The following ZDHHC20 variants were observed in gnomAD, a reference collection of about 807,000 sequenced individuals.
The protein encoded by ZDHHC20 is zDHHC palmitoyltransferase 20.
A neutral mutation model predicts 57.8 loss-of-function variants in ZDHHC20; 43 were observed. That is an observed-to-expected ratio of 0.74 (90% CI 0.58 to 0.96). The LOEUF (loss-of-function observed/expected upper bound fraction) is 0.96, where lower values mean the gene tolerates loss of function less well. Among genes scored for constraint, ZDHHC20 ranks in the 40% least tolerant of loss-of-function variants. ZDHHC20 has a pLI of 0.00. For missense variants in ZDHHC20, 391 were observed against 441.1 expected (o/e 0.89, Z 1.02); for synonymous variants, 157 against 153.0 (o/e 1.03, Z -0.19).
chr13:21,455,636 GTGTGTGTGT>G (rs1354810310), intron 1 of ZDHHC20, among the ~76,000 whole-genome samples: 1 of 11,954 alleles, frequency 8.4e-5, no homozygotes, highest in Non-Finnish European at 3.1e-4. Flanking sequence ...GTGAAGTGGT[GTGTGTGTGT>G]GTGTGTGTGT....
rs1872023981 is a variant in ZDHHC20, at chr13:21,376,070, G to A, written c.*626C>T. ...AGCTTTCGATGAATTAGACCAATGT[G>A]TTCTATGTTCTAAATGATATTTAGA... is the stretch of plus-strand genomic sequence containing the variant. On this transcript the variant is annotated 3_prime_UTR_variant, in exon 13 of 13. Transcript: ENST00000400590. The A allele has an allele frequency of 6.6e-6, 1 of 152,118 alleles. No homozygotes were observed. The highest frequency in any genetic ancestry group is 6.6e-5 in the Admixed American group (1 of 15,254). The allele number at this position is 152,118 out of a possible 1,614,324, so 9.4% of individuals were successfully genotyped here.
At chr13:21,448,179 C>T (rs1267857239) in intron 1 of ZDHHC20, among the ~76,000 whole-genome samples, 4 of 110,916 alleles carry the variant, frequency 3.6e-5, no homozygotes, top group Non-Finnish European at 6.3e-5. Flanking sequence ...CCACCCCGTC[C>T]GGGAGGGAGG....
chr13:21,447,675 C>G (rs28566072), intron 1 of ZDHHC20, among the ~76,000 whole-genome samples: 3 of 123,428 alleles, frequency 2.4e-5, no homozygotes, highest in South Asian at 2.7e-4. Flanking sequence ...CCCAGAGTGC[C>G]GAGATTGCAG....
intron 1 of ZDHHC20, among the ~76,000 whole-genome samples, chr13:21,447,698 C>T (rs1436045465): frequency 1.6e-4 from 19 of 115,270 alleles, no homozygotes; most frequent in South Asian, 2.7e-4. Context: ...TCTGCCCGGC[C>T]GCCACCCCGT....
At chr13:21,435,195 AT>A (rs973130114) in intron 1 of ZDHHC20, among the ~76,000 whole-genome samples, 103 of 144,850 alleles carry the variant, frequency 7.1e-4, no homozygotes, top group African/African-American at 1.9e-3. Flanking sequence ...TGTCATTTTC[AT>A]TTTTTTTTTC....
chr13:21,395,493 T>C (rs1373200124), intron 7 of ZDHHC20, among the ~76,000 whole-genome samples: 1 of 136,584 alleles, frequency 7.3e-6, no homozygotes, highest in Non-Finnish European at 1.6e-5. Context: ...CTTCTTTTCT[T>C]TTCTTTTTTT....
At chr13:21,412,353 A>G (rs1879329474) in intron 4 of ZDHHC20, among the ~76,000 whole-genome samples, 1 of 152,236 alleles carries the variant, frequency 6.6e-6, no homozygotes. Context: ...AATGATCACA[A>G]TATTGTGGTA....
At chr13:21,406,735 T>C (rs1448359810) in intron 4 of ZDHHC20, among the ~76,000 whole-genome samples, 1 of 152,206 alleles carries the variant, frequency 6.6e-6, no homozygotes, top group African/African-American at 2.4e-5. Context: ...TATGGCTGCA[T>C]AGTATTCCAT....
intron 8 of ZDHHC20, among the ~76,000 whole-genome samples, chr13:21,389,644 C>CG (rs1875283308): frequency 6.6e-6 from 1 of 152,104 alleles, no homozygotes; most frequent in Non-Finnish European, 1.5e-5. Flanking sequence ...CACATACCTA[C>CG]GGGGGCTGGG....
intron 7 of ZDHHC20, among the ~76,000 whole-genome samples, chr13:21,399,827 T>C (rs1877361182): frequency 6.6e-6 from 1 of 152,174 alleles, no homozygotes; most frequent in African/African-American, 2.4e-5. Context: ...CTTCACATCA[T>C]TTGTTATAAA....
chr13:21,390,608 AAT>A (rs1285642106), intron 8 of ZDHHC20, among the ~76,000 whole-genome samples: 2 of 152,168 alleles, frequency 1.3e-5, no homozygotes, highest in Admixed American at 6.5e-5. Context: ...AAAAGTAAAG[AAT>A]ATATATGGGC....
chr13:21,416,039 T>TA (rs1310335610), intron 3 of ZDHHC20, among the ~76,000 whole-genome samples: 8 of 150,756 alleles, frequency 5.3e-5, no homozygotes, highest in Non-Finnish European at 8.9e-5. Context: ...CCGCCTCTAC[T>TA]AAAAAAAATA....
chr13:21,376,787 CTAA>C lies in ZDHHC20; in HGVS notation c.*41-135_*41-133del, dbSNP rs570279149. 8.1e-3 allele frequency: 3,889 copies of C among 482,998 alleles called. 28 individuals are homozygous for C. The highest frequency in any genetic ancestry group is 0.011 in the South Asian group (280 of 26,666). The allele number at this position is 482,998 out of a possible 1,614,324, so 29.9% of individuals were successfully genotyped here. A position where few individuals can be genotyped will look rare whatever the true frequency, so the allele number is the denominator to read the frequency against. ...ATGGAAAATGAATTCCTTAACACTA[CTAA>C]TATTATAACAATAAAGATTTTTGTA... On this transcript the variant is annotated intron_variant, in intron 12 of 12. Transcript: ENST00000400590.
At chr13:21,413,493 T>G (rs1439581237) in intron 4 of ZDHHC20, among the ~76,000 whole-genome samples, 159 bp downstream of exon 4, 3 of 59,812 alleles carry the variant, frequency 5.0e-5, no homozygotes, top group Non-Finnish European at 1.2e-4. Context: ...TATTTCTGCA[T>G]CTGAAATACA....
At chr13:21,438,233 G>A (rs1038414863) in intron 1 of ZDHHC20, among the ~76,000 whole-genome samples, 11 of 152,238 alleles carry the variant, frequency 7.2e-5, no homozygotes, top group Non-Finnish European at 1.2e-4. Flanking sequence ...TAAGGCTATC[G>A]ATGCCACAGT....
At chr13:21,453,959 G>A (rs534570958) in intron 1 of ZDHHC20, among the ~76,000 whole-genome samples, 22 of 152,222 alleles carry the variant, frequency 1.4e-4, no homozygotes, top group South Asian at 1.2e-3. Context: ...GTATTCTCCC[G>A]TCTCAGCCTC....
intron 1 of ZDHHC20, among the ~76,000 whole-genome samples, chr13:21,442,975 C>T (rs1883332650): frequency 6.6e-6 from 1 of 152,124 alleles, no homozygotes. Context: ...ATGGACCATC[C>T]ACAGCAAGAA....
At chr13:21,414,660 C>T (rs987168361) in intron 3 of ZDHHC20, among the ~76,000 whole-genome samples, 24 of 151,838 alleles carry the variant, frequency 1.6e-4, no homozygotes, top group Non-Finnish European at 2.5e-4. Context: ...CGTGAGCCAC[C>T]GCGCCCGGCC....
At chr13:21,402,304 G>A (rs1354919468) in intron 5 of ZDHHC20, among the ~76,000 whole-genome samples, 1 of 151,852 alleles carries the variant, frequency 6.6e-6, no homozygotes, top group Non-Finnish European at 1.5e-5. Flanking sequence ...AAGCACTACT[G>A]TATTTTTGTA....
Sources: allele counts gnomAD v4.1 joint callset (sites outside exome capture counted in the v4.1 genomes callset), GRCh38; gene constraint gnomAD v4.1.1; transcripts MANE v1.5; gene names NCBI Gene and HGNC (gene_info 2026-07-23, HGNC 2026-07-21).